Variants in ZBTB21 observed in about 807,000 individuals in gnomAD.
ZBTB21 encodes the protein zinc finger and BTB domain containing 21, also known as zinc finger and BTB domain-containing protein 21.
In ZBTB21, 10 loss-of-function variants were observed where a neutral mutation model predicts 39.8. The observed-to-expected ratio is 0.25, with a 90% CI of 0.16 to 0.43. The LOEUF (loss-of-function observed/expected upper bound fraction) is 0.43. ZBTB21 is among the 20% of genes least tolerant of loss of function. The probability of loss-of-function intolerance (pLI) is 1.00; values close to 1 mark genes in which losing one functional copy is unlikely to be tolerated. For synonymous variants in ZBTB21, 551 were observed against 498.8 expected (o/e 1.10, Z -1.40); for missense variants, 1,221 against 1,296.3 (o/e 0.94, Z 0.89).
intron 2 of ZBTB21, among the ~76,000 whole-genome samples, chr21:41,997,577 A>C (rs1483771962): frequency 4.2e-5 from 2 of 48,158 alleles, no homozygotes; most frequent in Non-Finnish European, 8.3e-5. Flanking sequence ...CGTTGTCTCA[A>C]AAAAAAAAAA....
rs763805003 is a variant in ZBTB21, at chr21:41,994,041, C to T, written c.55G>A (p.Ala19Thr). 30 of 1,613,676 alleles carry T rather than the reference C, an allele frequency of 1.9e-5. No homozygotes were observed. The highest frequency in any genetic ancestry group is 2.7e-5 in the African/African-American group (2 of 74,920). Residue 19 changes from alanine to threonine, a missense_variant, in exon 3 of 3, where the codon GCC becomes ACC. Physicochemically the swap from Ala to Thr is moderately conservative, Grantham distance 58. Around this residue, in one of 4 missense-constraint regions of ZBTB21, gnomAD observed 108 missense variants for 155.0 expected, o/e 0.70. Transcript: ENST00000310826. Reference protein sequence around the residue: ...NPAHAISLLSALNEERLKGQL... With the variant: ...NPAHAISLLSTLNEERLKGQL... ...CCTTTGAGACGCTCCTCATTCAGGGCACTTAGGAGAGAAATGGCGTGTGCA... is the reference window on the plus strand; with the variant it reads ...CCTTTGAGACGCTCCTCATTCAGGGTACTTAGGAGAGAAATGGCGTGTGCA...
Position 41,992,599 on chromosome 21 carries a change from C to A in ZBTB21, c.1497G>T (p.Val499=), listed in dbSNP as rs1482437272. The change falls in exon 3 of 3, where the codon GTG becomes GTT. Residue 499 remains valine, a synonymous_variant. Coordinates refer to ENST00000310826, the MANE Select transcript of ZBTB21 (RefSeq NM_001098402.2). This position sits in a 1 kb window ranked among gnomAD's most constrained non-coding sequence, Gnocchi z 4.1. ...CTGACACAGGAGACCCGTGCTCATTCACCTTTAACTTCTTAAACGGCAATC... is the reference window on the plus strand; with the variant it reads ...CTGACACAGGAGACCCGTGCTCATTAACCTTTAACTTCTTAAACGGCAATC... The part of the protein sequence containing the change: ...DRRLPFKKLK[V]NEHGSPVSED... The A allele has an allele frequency of 1.2e-6, 2 of 1,614,106 alleles. No homozygotes were observed. The highest frequency in any genetic ancestry group is 1.7e-6 in the Non-Finnish European group (2 of 1,180,054).
At chr21:41,996,529 C>A (rs2065749364) in intron 2 of ZBTB21, among the ~76,000 whole-genome samples, 2 of 152,218 alleles carry the variant, frequency 1.3e-5, no homozygotes, top group Admixed American at 1.3e-4. Flanking sequence ...TGGGAAGTAA[C>A]TAACTTGTTT....
chr21:41,988,995 A>T lies in ZBTB21; in HGVS notation c.*1900T>A, dbSNP rs2065615311. The T allele has an allele frequency of 6.6e-6, 1 of 152,130 alleles. No individual in the cohort carries two copies. Among genetic ancestry groups the T allele is most frequent in the South Asian group, 2.1e-4 (1 of 4,830 alleles). The allele number at this position is 152,130 out of a possible 1,614,324, so 9.4% of individuals were successfully genotyped here. A position where few individuals can be genotyped will look rare whatever the true frequency, so the allele number is the denominator to read the frequency against. The stretch of plus-strand genomic sequence containing the variant: ...TAAGAAATACCACATTATACGCGGA[A>T]TGAATTCAATGTACAATAATCCATC... On this transcript the variant is annotated 3_prime_UTR_variant, in exon 3 of 3. Transcript: ENST00000310826.
At chr21:41,995,659 G>A (rs1426060728) in intron 2 of ZBTB21, among the ~76,000 whole-genome samples, 1 of 152,230 alleles carries the variant, frequency 6.6e-6, no homozygotes, top group East Asian at 1.9e-4. Context: ...CCTAAGTAAG[G>A]AGGAGCCGAA....
intron 2 of ZBTB21, chr21:42,002,285 AG>A (rs1246706097): frequency 3.3e-5 from 5 of 149,784 alleles, no homozygotes; most frequent in African/African-American, 1.2e-4. Context: ...GGCTGCAGAC[AG>A]ACAATTAACA....
At chr21:42,005,781 G>T (rs1394879297) in intron 1 of ZBTB21, among the ~76,000 whole-genome samples, 2 of 152,184 alleles carry the variant, frequency 1.3e-5, no homozygotes, top group Non-Finnish European at 2.9e-5. Context: ...GGCATGGTTA[G>T]ATTTATCTGA....
chr21:41,991,407 G>C lies in ZBTB21; in HGVS notation c.2689C>G (p.Pro897Ala), dbSNP rs1156841826. 2 of 1,609,874 alleles carry C rather than the reference G, an allele frequency of 1.2e-6. No homozygotes were observed. The highest frequency in any genetic ancestry group is 1.1e-5 in the South Asian group (1 of 90,616). The change falls in exon 3 of 3, where the codon CCC becomes GCC. Residue 897 changes from proline (P) to alanine (A), a missense_variant. Pro to Ala is a conservative substitution (Grantham distance 27). This residue lies in a region of ZBTB21 where 523 missense variants were observed against 542.5 expected (regional missense o/e 0.96). Coordinates refer to ENST00000310826, the MANE Select transcript of ZBTB21 (RefSeq NM_001098402.2). The surrounding 1 kb of genome is among the most constrained non-coding windows in gnomAD (Gnocchi z 4.9). ...EEEAPEASTA[P>A]KEAGPSKEAS... ...TCTTTGCTAGGACCCGCTTCTTTGGGGGCTGTGCTGGCCTCGGGTGCCTCT... is the reference window on the plus strand; with the variant it reads ...TCTTTGCTAGGACCCGCTTCTTTGGCGGCTGTGCTGGCCTCGGGTGCCTCT...
rs535801853 is a variant in ZBTB21, at chr21:42,009,873, G to A, written c.-79+379C>T. On this transcript the variant is annotated intron_variant, in intron 1 of 2. Transcript: ENST00000310826. ...GAGAACGCGCCCTTCTCCACGAGGC[G>A]TTTCAACCGCTCCGCGCGAGGGGCG... Among the ~76,000 whole-genome samples, 31 of 152,290 alleles carry A rather than the reference G, an allele frequency of 2.0e-4. No individual in the cohort carries two copies. In the South Asian group the frequency reaches 6.4e-3, roughly 32 times the overall value.
rs780087211 is a variant in ZBTB21, at chr21:41,992,995, C to G, written c.1101G>C (p.Ser367=). 1.2e-6 allele frequency: 2 copies of G among 1,613,952 alleles called. No individual in the cohort carries two copies. Among genetic ancestry groups the G allele is most frequent in the African/African-American group, 2.7e-5 (2 of 74,880 alleles). The part of the protein sequence containing the change: ...IDLKSSQGSS[S]VSSDAPGNVL... ...CATTCCCTGGTGCATCACTGGACAC[C>G]GAAGATGATCCCTGGGAAGATTTCA... Residue 367 remains serine (S), a synonymous_variant, in exon 3 of 3, where the codon TCG becomes TCC. Coordinates refer to ENST00000310826, the MANE Select transcript of ZBTB21 (RefSeq NM_001098402.2). The surrounding 1 kb of genome is among the most constrained non-coding windows in gnomAD (Gnocchi z 4.1).
intron 1 of ZBTB21, among the ~76,000 whole-genome samples, chr21:42,009,839 C>A (rs1219362437): frequency 6.6e-6 from 1 of 152,134 alleles, no homozygotes; most frequent in African/African-American, 2.4e-5. Flanking sequence ...CAACCCCTGC[C>A]CGGAACAGGA....
chr21:42,008,840 C>T lies in ZBTB21; in HGVS notation c.-79+1412G>A, dbSNP rs559504570. ...AACCAGCACTTCAAATTTTGACTTT[C>T]TTTTTAACATCAATATTTAGGGGTG... On this transcript the variant is annotated intron_variant, in intron 1 of 2. Transcript: ENST00000310826. 3.3e-5 allele frequency among the ~76,000 whole-genome samples: 5 copies of T among 152,244 alleles called. No homozygotes were observed. The East Asian group carries it at 7.7e-4, about 23-fold the overall frequency.
In ZBTB21 at chr21:41,987,698, TACAGTTGTATACACACATGCATGC is replaced by T. The variant is rs1214566901; in HGVS notation, c.*3173_*3196del. 6.6e-6 allele frequency: 1 copy of T among 152,182 alleles called. No individual in the cohort carries two copies. Among genetic ancestry groups the T allele is most frequent in the Non-Finnish European group, 1.5e-5 (1 of 68,028 alleles). 9.4% of individuals were successfully genotyped at this position (152,182 alleles called of 1,614,324 possible). ...AATTTTACTTCCTGAAGTTCCAGAT[TACAGTTGTATACACACATGCATGC>T]ATGTGTGTACAAACCCAATTTGAGA... is the stretch of plus-strand genomic sequence containing the variant. On this transcript the variant is annotated 3_prime_UTR_variant, in exon 3 of 3. Coordinates refer to ENST00000310826, the MANE Select transcript of ZBTB21 (RefSeq NM_001098402.2).
At position 41,988,499 on chromosome 21, in the gene ZBTB21, T is replaced by C. The variant is rs1274433074; in HGVS notation, c.*2396A>G. 1 of 152,228 alleles carries C rather than the reference T, an allele frequency of 6.6e-6. No homozygotes were observed. Among genetic ancestry groups the C allele is most frequent in the Non-Finnish European group, 1.5e-5 (1 of 68,026 alleles). 9.4% of individuals were successfully genotyped at this position (152,228 alleles called of 1,614,324 possible). On this transcript the variant is annotated 3_prime_UTR_variant, in exon 3 of 3. Coordinates refer to ENST00000310826, the MANE Select transcript of ZBTB21 (RefSeq NM_001098402.2). Reference sequence around the variant, plus strand: ...AATAAAGTAATTAACATATCTTTCATTATTTTACTTCTTAACATTTAAAAT... The same window carrying C: ...AATAAAGTAATTAACATATCTTTCACTATTTTACTTCTTAACATTTAAAAT...
Position 41,991,485 on chromosome 21 carries a change from A to G in ZBTB21, c.2611T>C (p.Ser871Pro). The change falls in exon 3 of 3, where the codon TCC becomes CCC. Residue 871 changes from serine (S) to proline (P), a missense_variant. Transcript: ENST00000310826. The surrounding 1 kb of genome is among the most constrained non-coding windows in gnomAD (Gnocchi z 4.9). ...SSCLPEDLSL[S>P]KQLKIQVKEE... is the part of the protein sequence containing the mutation. ...TTGACTTGGATTTTCAGTTGCTTGGAAAGACTAAGGTCTTCGGGAAGACAA... is the reference window on the plus strand; with the variant it reads ...TTGACTTGGATTTTCAGTTGCTTGGGAAGACTAAGGTCTTCGGGAAGACAA... The G allele has an allele frequency of 1.2e-6, 2 of 1,614,024 alleles. No homozygotes were observed. Among genetic ancestry groups the G allele is most frequent in the Non-Finnish European group, 8.5e-7 (1 of 1,180,002 alleles).
chr21:42,000,518 A>T (rs2065805065), intron 2 of ZBTB21, among the ~76,000 whole-genome samples: 1 of 152,186 alleles, frequency 6.6e-6, no homozygotes, highest in Non-Finnish European at 1.5e-5. Flanking sequence ...GACTAAACCA[A>T]GGGGAGTTTT....
intron 1 of ZBTB21, among the ~76,000 whole-genome samples, chr21:42,004,134 G>C (rs1014802159): frequency 6.6e-6 from 1 of 151,876 alleles, no homozygotes; most frequent in Non-Finnish European, 1.5e-5. Context: ...TGAGTAGCTG[G>C]GACTACAGGC....
At chr21:41,997,575 C>CAAAAAAAAAAAAAAAA (rs10709533) in intron 2 of ZBTB21, among the ~76,000 whole-genome samples, 2 of 117,856 alleles carry the variant, frequency 1.7e-5, no homozygotes, top group South Asian at 2.8e-4. Context: ...GACGTTGTCT[C>CAAAAAAAAAAAAAAAA]AAAAAAAAAA....
At chr21:42,009,190 T>G (rs1410013099) in intron 1 of ZBTB21, 1 of 152,046 alleles carries the variant, frequency 6.6e-6, no homozygotes, top group South Asian at 2.1e-4. Context: ...GGTCAGGCAA[T>G]CCCACCGGGG....
Sources: gnomAD v4.1 joint callset for allele counts (sites outside exome capture counted in the v4.1 genomes callset) on GRCh38, gnomAD v4.1.1 for gene constraint, gnomAD v4.1.1 regional missense constraint, Gnocchi (gnomAD v3.1) non-coding constraint, MANE v1.5 for transcripts, NCBI Gene and HGNC (gene_info 2026-07-23, HGNC 2026-07-21) for gene names.